EXOC6B: variants seen among roughly 807,000 people sequenced by gnomAD.
EXOC6B encodes exocyst complex component 6B.
Under a neutral mutation model 113.5 loss-of-function variants are expected in EXOC6B, and 54 were observed. That is an observed-to-expected ratio of 0.48 (90% CI 0.38 to 0.60). The LOEUF (loss-of-function observed/expected upper bound fraction) is 0.60, where lower values mean the gene tolerates loss of function less well. Ranked by LOEUF, EXOC6B falls within the 20% of genes least tolerant of loss-of-function variation. The pLI is 0.00. For synonymous variants in EXOC6B, 357 were observed against 339.0 expected, an observed-to-expected ratio of 1.05 and a Z score of -0.58; for missense variants, 797 against 977.5, an observed-to-expected ratio of 0.82 and a Z score of 2.46.
chr2:72,737,912 T>C (rs1344332274), intron 2 of EXOC6B, among the ~76,000 whole-genome samples: 1 of 152,176 alleles, frequency 6.6e-6, no homozygotes, highest in Non-Finnish European at 1.5e-5. Flanking sequence ...TGATGAAACA[T>C]TTTAGAATGT....
In EXOC6B at chr2:72,575,532, G is replaced by T; in HGVS notation, c.806C>A (p.Ser269Ter). 1 of 1,608,342 alleles carries T rather than the reference G, an allele frequency of 6.2e-7. No homozygotes were observed. Residue 269 changes from serine (S) to a stop codon, truncating the protein, a stop_gained, in exon 7 of 22, where the codon TCA (serine) becomes TAA (stop). Transcript: ENST00000272427. LOFTEE classifies it high-confidence loss of function. ...CTCGTCTTCAACATCCAGAATTCCT[G>T]AATCCTGTTCAGACTTCGGACTAGT... ...ESTSPKSEQDSGILDVEDEED... is the reference protein window; with the variant it reads ...ESTSPKSEQD
intron 6 of EXOC6B, among the ~76,000 whole-genome samples, chr2:72,704,488 T>A (rs1678692539): frequency 6.8e-6 from 1 of 146,066 alleles, no homozygotes; most frequent in Non-Finnish European, 1.5e-5. Flanking sequence ...AGAGCAGAAC[T>A]GAAGGAAATA....
chr2:72,401,397 G>T (rs758178380), intron 18 of EXOC6B, among the ~76,000 whole-genome samples: 228 of 145,900 alleles, frequency 1.6e-3, no homozygotes, highest in Non-Finnish European at 2.7e-3. Context: ...AGGAGGCGGA[G>T]GTTGCAGTGA....
At chr2:72,652,087 A>G (rs1674208671) in intron 6 of EXOC6B, among the ~76,000 whole-genome samples, 1 of 152,094 alleles carries the variant, frequency 6.6e-6, no homozygotes, top group Non-Finnish European at 1.5e-5. Flanking sequence ...CAATATTTTT[A>G]CTTTCCTAAA....
At chr2:72,630,685 C>T (rs995922367) in intron 6 of EXOC6B, among the ~76,000 whole-genome samples, 53 of 152,066 alleles carry the variant, frequency 3.5e-4, no homozygotes, top group Non-Finnish European at 5.9e-5. Flanking sequence ...AAACTTTCTA[C>T]ATTTTTAAAA....
Position 72,287,446 on chromosome 2 carries a change from A to T in EXOC6B, c.2196+47501T>A, listed in dbSNP as rs868067488. 4.7e-4 allele frequency among the ~76,000 whole-genome samples: 70 copies of T among 150,428 alleles called. 1 individual carries two copies. In the South Asian group the frequency reaches 8.3e-3, roughly 18 times the overall value. On this transcript the variant is annotated intron_variant, in intron 20 of 21. Transcript: ENST00000272427. The stretch of plus-strand genomic sequence containing the variant: ...ACTTCATCTCAAAAAAAAAAAAATA[A>T]AAATAAAAATAAAAATAAAAAAATA...
At chr2:72,295,516 T>G (rs987445007) in intron 20 of EXOC6B, among the ~76,000 whole-genome samples, 2 of 152,200 alleles carry the variant, frequency 1.3e-5, no homozygotes, top group African/African-American at 4.8e-5. Flanking sequence ...ACTTTCTTTT[T>G]CTGTTGCAAG....
chr2:72,674,353 T>C (rs963149640), intron 6 of EXOC6B, among the ~76,000 whole-genome samples: 4 of 152,184 alleles, frequency 2.6e-5, no homozygotes, highest in Non-Finnish European at 5.9e-5. Context: ...ATGATCACAC[T>C]CCCCATCTTC....
Position 72,499,988 on chromosome 2 carries a change from G to A in EXOC6B, c.1168-16C>T. 6.8e-7 allele frequency: 1 copy of A among 1,476,490 alleles called. No individual in the cohort carries two copies. The highest frequency in any genetic ancestry group is 9.2e-7 in the Non-Finnish European group (1 of 1,081,332). 91.5% of individuals were successfully genotyped at this position (1,476,490 alleles called of 1,614,324 possible). ...AACAGTAAGACTAAAGTAAATAAAA[G>A]ACAAAGGAGGAAAAACATGTTATTA... On this transcript the variant is annotated splice_polypyrimidine_tract_variant and intron_variant, in intron 11 of 21. Coordinates refer to ENST00000272427, the MANE Select transcript of EXOC6B (RefSeq NM_015189.3).
At position 72,496,575 on chromosome 2, in the gene EXOC6B, T is replaced by C. The variant is rs758697899; in HGVS notation, c.1338-16A>G. On this transcript the variant is annotated splice_polypyrimidine_tract_variant and intron_variant, in intron 13 of 21. Coordinates refer to ENST00000272427, the MANE Select transcript of EXOC6B (RefSeq NM_015189.3). ...AAGTATGTTTCTATAAATGGAAGGA[T>C]AGACAAAGGGAAGGGAAGGATAGAC... 16 of 1,507,570 alleles carry C rather than the reference T, an allele frequency of 1.1e-5. No individual in the cohort carries two copies. Among genetic ancestry groups the C allele is most frequent in the South Asian group, 7.1e-5 (6 of 84,884 alleles). 93.4% of individuals were successfully genotyped at this position (1,507,570 alleles called of 1,614,324 possible).
intron 8 of EXOC6B, among the ~76,000 whole-genome samples, chr2:72,531,810 C>A (rs1293650548): frequency 1.3e-5 from 2 of 151,946 alleles, no homozygotes; most frequent in Non-Finnish European, 2.9e-5. Flanking sequence ...ATGGTGAAAC[C>A]CTGTCTCTAC....
intron 18 of EXOC6B, among the ~76,000 whole-genome samples, chr2:72,443,821 C>T (rs1054855407): frequency 1.3e-5 from 2 of 152,144 alleles, no homozygotes; most frequent in Non-Finnish European, 2.9e-5. Context: ...GGGTCCCTCC[C>T]ACGACATGTG....
At chr2:72,453,497 T>C (rs1697029584) in intron 18 of EXOC6B, among the ~76,000 whole-genome samples, 1 of 152,192 alleles carries the variant, frequency 6.6e-6, no homozygotes, top group African/African-American at 2.4e-5. Context: ...TTTCTCACTA[T>C]GAACATGTTT....
intron 19 of EXOC6B, among the ~76,000 whole-genome samples, chr2:72,375,833 CTAGGCATCTGTTAACA>C (rs1258867422): frequency 6.6e-6 from 1 of 152,148 alleles, no homozygotes; most frequent in African/African-American, 2.4e-5. Flanking sequence ...TAGAAATTAG[CTAGGCATCTGTTAACA>C]TAGGCTCAAG....
At chr2:72,585,507 G>A (rs1705503713) in intron 6 of EXOC6B, among the ~76,000 whole-genome samples, 1 of 151,470 alleles carries the variant, frequency 6.6e-6, no homozygotes, top group Admixed American at 6.6e-5. Context: ...TGAGGCAGGA[G>A]AATCACTTGA....
intron 17 of EXOC6B, among the ~76,000 whole-genome samples, chr2:72,470,919 A>G (rs1178436093): frequency 6.6e-6 from 1 of 152,200 alleles, no homozygotes; most frequent in Non-Finnish European, 1.5e-5. Context: ...TAGTGCCGCA[A>G]TAAACATACA....
intron 19 of EXOC6B, among the ~76,000 whole-genome samples, chr2:72,365,479 C>T (rs1458802024): frequency 6.6e-6 from 1 of 152,092 alleles, no homozygotes; most frequent in African/African-American, 2.4e-5. Context: ...GGCAAGCTAG[C>T]CTAGAGGCAG....
intron 19 of EXOC6B, among the ~76,000 whole-genome samples, chr2:72,366,955 T>A (rs1034923740): frequency 5.3e-5 from 8 of 151,898 alleles, no homozygotes; most frequent in African/African-American, 1.9e-4. Context: ...TGATATCAGA[T>A]AGAAATCTGA....
chr2:72,331,189 G>A (rs1688401764), intron 20 of EXOC6B, among the ~76,000 whole-genome samples: 1 of 151,998 alleles, frequency 6.6e-6, no homozygotes, highest in South Asian at 2.1e-4. Flanking sequence ...TTAGAATCAG[G>A]AATTTGCTGG....
Sources: allele counts gnomAD v4.1 joint callset (sites outside exome capture counted in the v4.1 genomes callset), GRCh38; gene constraint gnomAD v4.1.1; transcripts MANE v1.5; gene names NCBI Gene and HGNC (gene_info 2026-07-23, HGNC 2026-07-21).